Variants in CMBL observed in about 807,000 individuals in gnomAD.
CMBL encodes the protein carboxymethylenebutenolidase homolog, also known as carboxymethylenebutenolidase homolog (Pseudomonas).
Under a neutral mutation model 28.7 loss-of-function variants are expected in CMBL, and 17 were observed. The observed-to-expected ratio is 0.59, with a 90% CI of 0.41 to 0.89. The LOEUF (loss-of-function observed/expected upper bound fraction) is 0.89, where lower values mean the gene tolerates loss of function less well. CMBL is among the 40% of genes least tolerant of loss of function. The pLI, the probability that CMBL is intolerant of heterozygous loss-of-function variation, is 0.00. For synonymous variants in CMBL, 106 were observed against 101.6 expected (o/e 1.04, Z -0.26); for missense variants, 310 against 298.5 (o/e 1.04, Z -0.28).
At position 10,282,243 on chromosome 5, in the gene CMBL, G is replaced by C. The variant is rs761266446; in HGVS notation, c.512C>G (p.Thr171Ser). The C allele has an allele frequency of 8.7e-6, 14 of 1,613,078 alleles. No individual in the cohort carries two copies. In the South Asian group the frequency reaches 1.5e-4, roughly 18 times the overall value. The change falls in exon 5 of 6, where the codon ACT becomes AGT. Residue 171 changes from threonine to serine, a missense_variant. Thr to Ser is a moderately conservative substitution (Grantham distance 58, BLOSUM62 1). Coordinates refer to ENST00000296658, the MANE Select transcript of CMBL (RefSeq NM_138809.4). Reference sequence around the variant, plus strand: ...ATCATTTTCAGCAAAAATGAACAAAGTGGGGTTCTTTAAATTGTAAATGTC... The same window carrying C: ...ATCATTTTCAGCAAAAATGAACAAACTGGGGTTCTTTAAATTGTAAATGTC... Reference protein sequence around the residue: ...SEDIYNLKNPTLFIFAENDVV... With the variant: ...SEDIYNLKNPSLFIFAENDVV...
chr5:10,282,505 G>A (rs1024770830), intron 4 of CMBL, among the ~76,000 whole-genome samples: 5 of 152,044 alleles, frequency 3.3e-5, no homozygotes, highest in East Asian at 1.9e-4. Flanking sequence ...AAAGAAGGCC[G>A]GGCGCGGTGG....
At chr5:10,294,497 G>A (rs1318773875) in intron 1 of CMBL, among the ~76,000 whole-genome samples, 3 of 152,004 alleles carry the variant, frequency 2.0e-5, no homozygotes, top group Admixed American at 6.5e-5. Context: ...CTGGGAGGTC[G>A]AGGCTGCAGT....
At chr5:10,307,530 A>G (rs2126568321) in intron 1 of CMBL, 95 bp downstream of exon 1, 1 of 152,374 alleles carries the variant, frequency 6.6e-6, no homozygotes, top group Non-Finnish European at 1.5e-5. Context: ...CACGCGGCAA[A>G]GACCTTCTTT....
At chr5:10,295,142 G>C (rs891835264) in intron 1 of CMBL, among the ~76,000 whole-genome samples, 1 of 151,294 alleles carries the variant, frequency 6.6e-6, no homozygotes, top group Non-Finnish European at 1.5e-5. Context: ...GGAGCGTAGT[G>C]GCATGATCTT....
intron 1 of CMBL, among the ~76,000 whole-genome samples, chr5:10,297,046 G>A (rs1238143093): frequency 6.6e-6 from 1 of 150,732 alleles, no homozygotes; most frequent in Non-Finnish European, 1.5e-5. Flanking sequence ...TTAGCCAGGC[G>A]TGGTGGCACA....
chr5:10,286,263 T>C, intron 4 of CMBL, 91 bp downstream of exon 4: 1 of 1,263,470 alleles, frequency 7.9e-7, no homozygotes, highest in East Asian at 2.4e-5. Flanking sequence ...TTATTGGGGG[T>C]TGTGTTACAC....
chr5:10,288,415 A>G lies in CMBL; in HGVS notation c.323+7T>C, dbSNP rs1276310294. The G allele has an allele frequency of 1.9e-6, 3 of 1,608,478 alleles. No homozygotes were observed. In the African/African-American group the frequency reaches 4.0e-5, roughly 21 times the overall value. ...CGTGCACATGGCCACGTCTGCGGAT[A>G]ACTCACCTATCGATCTTCTGGGCAT... is the stretch of plus-strand genomic sequence containing the variant. On this transcript the variant is annotated splice_region_variant and intron_variant, in intron 3 of 5. Transcript: ENST00000296658.
At chr5:10,283,223 G>A (rs935350862) in intron 4 of CMBL, among the ~76,000 whole-genome samples, 19 of 152,188 alleles carry the variant, frequency 1.2e-4, no homozygotes, top group Admixed American at 9.8e-4. Context: ...CTCGTCCGCT[G>A]CTTAGTATGG....
intron 1 of CMBL, among the ~76,000 whole-genome samples, chr5:10,296,539 T>C (rs1460387776): frequency 6.6e-6 from 1 of 152,100 alleles, no homozygotes; most frequent in Non-Finnish European, 1.5e-5. Context: ...GCCGGGCCTG[T>C]AGGTGATATT....
At chr5:10,286,183 T>G in intron 4 of CMBL, 171 bp downstream of exon 4, 1 of 641,018 alleles carries the variant, frequency 1.6e-6, no homozygotes, top group Non-Finnish European at 2.5e-6. Context: ...TCTGGTTAAC[T>G]GCATGACAAA....
At chr5:10,302,474 T>A (rs1746916496) in intron 1 of CMBL, among the ~76,000 whole-genome samples, 1 of 129,328 alleles carries the variant, frequency 7.7e-6, no homozygotes. Flanking sequence ...CAAAACCTTG[T>A]CTCTACTAAA....
intron 1 of CMBL, among the ~76,000 whole-genome samples, chr5:10,305,239 A>G (rs1396261403): frequency 2.7e-5 from 4 of 148,180 alleles, no homozygotes. Flanking sequence ...TTCGTCGGCA[A>G]TGCCCACACT....
chr5:10,300,044 C>T (rs1746872193), intron 1 of CMBL, among the ~76,000 whole-genome samples: 1 of 152,122 alleles, frequency 6.6e-6, no homozygotes, highest in Admixed American at 6.5e-5. Context: ...GTCCTATCCC[C>T]CACTCCCCGT....
In CMBL at chr5:10,277,969, A is replaced by C. The variant is rs1746424297; in HGVS notation, c.*2484T>G. ...CCGTTCCACGGCAAAAGCCCAGCACATCTCAGGGGTTTCCTGGGAGGCCGG... is the reference window on the plus strand; with the variant it reads ...CCGTTCCACGGCAAAAGCCCAGCACCTCTCAGGGGTTTCCTGGGAGGCCGG... On this transcript the variant is annotated 3_prime_UTR_variant, in exon 6 of 6. Coordinates refer to ENST00000296658, the MANE Select transcript of CMBL (RefSeq NM_138809.4). Among the ~76,000 whole-genome samples, 1 of 152,224 alleles carries C rather than the reference A, an allele frequency of 6.6e-6. No individual in the cohort carries two copies. The highest frequency in any genetic ancestry group is 2.4e-5 in the African/African-American group (1 of 41,450).
intron 2 of CMBL, among the ~76,000 whole-genome samples, chr5:10,288,798 A>G (rs1444672843): frequency 1.3e-5 from 2 of 152,168 alleles, no homozygotes; most frequent in Non-Finnish European, 2.9e-5. Flanking sequence ...GCACACTCCC[A>G]TGGGATAGGC....
Position 10,279,037 on chromosome 5 carries a change from TACA to T in CMBL, c.*1413_*1415del, listed in dbSNP as rs1339081812. 6.6e-6 allele frequency among the ~76,000 whole-genome samples: 1 copy of T among 152,146 alleles called. No individual in the cohort carries two copies. The highest frequency in any genetic ancestry group is 1.5e-5 in the Non-Finnish European group (1 of 68,032). The stretch of plus-strand genomic sequence containing the variant: ...GTCAAGACAAAATTAGGAAAAAAAC[TACA>T]ACATCAAGTCACTTGCCCAAAGTCA... On this transcript the variant is annotated 3_prime_UTR_variant, in exon 6 of 6. Coordinates refer to ENST00000296658, the MANE Select transcript of CMBL (RefSeq NM_138809.4).
At chr5:10,300,174 G>T (rs79685745) in intron 1 of CMBL, among the ~76,000 whole-genome samples, 1 of 152,158 alleles carries the variant, frequency 6.6e-6, no homozygotes, top group African/African-American at 2.4e-5. Context: ...AGGGGAAAAC[G>T]TGGACAAAGA....
At chr5:10,302,035 G>A (rs892368345) in intron 1 of CMBL, among the ~76,000 whole-genome samples, 5 of 152,170 alleles carry the variant, frequency 3.3e-5, no homozygotes, top group African/African-American at 4.8e-5. Context: ...TACAGGAGAC[G>A]CCCGTGTGTG....
chr5:10,307,106 C>T (rs543799137), intron 1 of CMBL: 7 of 152,328 alleles, frequency 4.6e-5, no homozygotes, highest in Admixed American at 2.6e-4. Context: ...ATGTCCCACT[C>T]TTAGATCCAT....
Sources: gnomAD v4.1 joint callset for allele counts (sites outside exome capture counted in the v4.1 genomes callset) on GRCh38, gnomAD v4.1.1 for gene constraint, MANE v1.5 for transcripts, NCBI Gene and HGNC (gene_info 2026-07-23, HGNC 2026-07-21) for gene names.